The following LRFN2 variants were observed in gnomAD, a reference collection of about 807,000 sequenced individuals.
LRFN2 encodes leucine rich repeat and fibronectin type III domain containing 2.
In LRFN2, 18 loss-of-function variants were observed where a neutral mutation model predicts 37.3. The observed-to-expected ratio is 0.48, with a 90% CI of 0.33 to 0.72. The LOEUF (loss-of-function observed/expected upper bound fraction) is 0.72, where lower values mean the gene tolerates loss of function less well. Among genes scored for constraint, LRFN2 ranks in the 30% least tolerant of loss-of-function variants. The pLI, the probability that LRFN2 is intolerant of heterozygous loss-of-function variation, is 0.02. For synonymous variants in LRFN2, 556 were observed against 466.6 expected (o/e 1.19, Z -2.47); for missense variants, 1,006 against 1,060.7 (o/e 0.95, Z 0.72).
chr6:40,438,419 C>T (rs1487978736), intron 1 of LRFN2, among the ~76,000 whole-genome samples: 3 of 152,172 alleles, frequency 2.0e-5, no homozygotes, highest in Non-Finnish European at 2.9e-5. Flanking sequence ...TGAGCAACCT[C>T]GTGCAGTGAG....
intron 1 of LRFN2, among the ~76,000 whole-genome samples, chr6:40,447,496 C>A (rs997065689): frequency 1.3e-5 from 2 of 152,172 alleles, no homozygotes; most frequent in African/African-American, 4.8e-5. Flanking sequence ...AGTTTAGAAT[C>A]TTTAACAAGT....
intron 1 of LRFN2, among the ~76,000 whole-genome samples, chr6:40,562,424 GT>G (rs1188962451): frequency 6.6e-6 from 1 of 152,030 alleles, no homozygotes; most frequent in Non-Finnish European, 1.5e-5. Context: ...AGGTGAACAA[GT>G]ACGGTACAGG....
chr6:40,438,605 C>A (rs1469290715), intron 1 of LRFN2, among the ~76,000 whole-genome samples: 1 of 152,192 alleles, frequency 6.6e-6, no homozygotes, highest in African/African-American at 2.4e-5. Context: ...AAGGAGGCCC[C>A]TCTGGAGGCT....
At chr6:40,502,096 G>A (rs1259325009) in intron 1 of LRFN2, 1 of 152,146 alleles carries the variant, frequency 6.6e-6, no homozygotes, top group African/African-American at 2.4e-5. Flanking sequence ...ACTTCTGTAG[G>A]GCCTTGCTGG....
At chr6:40,567,763 A>C (rs767591658) in intron 1 of LRFN2, among the ~76,000 whole-genome samples, 4 of 152,186 alleles carry the variant, frequency 2.6e-5, no homozygotes, top group Non-Finnish European at 4.4e-5. Context: ...ATTGAATTCC[A>C]CAGCAGCCTA....
At chr6:40,548,440 C>CAAAAAAAAAACAAAAAAAAAAAA (rs67639435) in intron 1 of LRFN2, among the ~76,000 whole-genome samples, 1 of 142,650 alleles carries the variant, frequency 7.0e-6, no homozygotes, top group Admixed American at 7.1e-5. Flanking sequence ...GACTCCATCT[C>CAAAAAAAAAACAAAAAAAAAAAA]AAAAAAAAAA....
At chr6:40,416,791 G>A (rs1763102656) in intron 2 of LRFN2, among the ~76,000 whole-genome samples, 2 of 152,134 alleles carry the variant, frequency 1.3e-5, no homozygotes, top group African/African-American at 4.8e-5. Flanking sequence ...CTGTTCGCCA[G>A]TCCCAGGAAA....
chr6:40,514,551 G>GGCCA (rs1765804908), intron 1 of LRFN2, among the ~76,000 whole-genome samples: 1 of 152,136 alleles, frequency 6.6e-6, no homozygotes, highest in Non-Finnish European at 1.5e-5. Flanking sequence ...CTGACCTCAG[G>GGCCA]TGATCTGCCC....
chr6:40,474,322 G>T (rs1050650339), intron 1 of LRFN2, among the ~76,000 whole-genome samples: 1 of 152,058 alleles, frequency 6.6e-6, no homozygotes, highest in African/African-American at 2.4e-5. Flanking sequence ...GCTTCTAGTG[G>T]CTCCTTTAAA....
intron 2 of LRFN2, among the ~76,000 whole-genome samples, chr6:40,396,111 G>T (rs531811582): frequency 9.9e-5 from 15 of 152,088 alleles, no homozygotes; most frequent in African/African-American, 3.6e-4. Context: ...CTAACATGAG[G>T]GCTTACTCTG....
Position 40,432,652 on chromosome 6 carries a change from C to T in LRFN2, c.462G>A (p.Leu154=), listed in dbSNP as rs1323837370. The change falls in exon 2 of 3, where the codon CTG becomes CTA. Residue 154 remains leucine (L), a synonymous_variant. Coordinates refer to ENST00000338305, the MANE Select transcript of LRFN2 (RefSeq NM_020737.3). ...FEDFLLTLED[L]DLSYNNLHGL... is the part of the protein sequence containing the mutation. Reference sequence around the variant, plus strand: ...CATGGAGGTTGTTGTAGGAGAGGTCCAGATCCTCCAATGTCAGCAGGAAGT... The same window carrying T: ...CATGGAGGTTGTTGTAGGAGAGGTCTAGATCCTCCAATGTCAGCAGGAAGT... 4 of 1,614,164 alleles carry T rather than the reference C, an allele frequency of 2.5e-6. No homozygotes were observed. Among genetic ancestry groups the T allele is most frequent in the Non-Finnish European group, 3.4e-6 (4 of 1,180,026 alleles).
chr6:40,546,404 C>A (rs896486956), intron 1 of LRFN2, among the ~76,000 whole-genome samples: 1 of 152,094 alleles, frequency 6.6e-6, no homozygotes, highest in African/African-American at 2.4e-5. Context: ...CGATATTGAC[C>A]CCAGGTCTCC....
In LRFN2 at chr6:40,525,850, G is replaced by A. The variant is rs370548; in HGVS notation, c.-19+61091C>T. On this transcript the variant is annotated intron_variant, in intron 1 of 2. Coordinates refer to ENST00000338305, the MANE Select transcript of LRFN2 (RefSeq NM_020737.3). The stretch of plus-strand genomic sequence containing the variant: ...TTTTTCTGGCCCTGGAACTTTGCCC[G>A]CAAGACCACGTAAGACACAGTCTTC... Among the ~76,000 whole-genome samples the A allele has an allele frequency of 2.2e-3, 332 of 152,150 alleles. 2 individuals are homozygous for A. Among genetic ancestry groups the A allele is most frequent in the African/African-American group, 7.2e-3 (300 of 41,500 alleles).
At chr6:40,433,527 T>C (rs756474445) in intron 1 of LRFN2, among the ~76,000 whole-genome samples, 2 of 152,034 alleles carry the variant, frequency 1.3e-5, no homozygotes, top group Non-Finnish European at 2.9e-5. Context: ...GATGGGTGGA[T>C]GGATGGATGG....
At chr6:40,402,312 C>T (rs1762755834) in intron 2 of LRFN2, among the ~76,000 whole-genome samples, 1 of 152,160 alleles carries the variant, frequency 6.6e-6, no homozygotes, top group African/African-American at 2.4e-5. Flanking sequence ...GCTCACACAG[C>T]TGGAAAGTGG....
chr6:40,450,471 G>T (rs150681657), intron 1 of LRFN2, among the ~76,000 whole-genome samples: 1 of 152,238 alleles, frequency 6.6e-6, no homozygotes, highest in African/African-American at 2.4e-5. Context: ...GCAAGGGAGA[G>T]AGGGAGGGAG....
At chr6:40,420,024 CA>C (rs1376700954) in intron 2 of LRFN2, among the ~76,000 whole-genome samples, 2 of 152,228 alleles carry the variant, frequency 1.3e-5, no homozygotes, top group East Asian at 3.8e-4. Flanking sequence ...TCCTGCCGCT[CA>C]CCTCCTTTAC....
At chr6:40,577,679 C>T (rs1482387274) in intron 1 of LRFN2, among the ~76,000 whole-genome samples, 2 of 115,630 alleles carry the variant, frequency 1.7e-5, no homozygotes, top group South Asian at 2.9e-4. Flanking sequence ...TGAGAATATG[C>T]GGTGTTTGGT....
intron 1 of LRFN2, among the ~76,000 whole-genome samples, chr6:40,564,480 A>G (rs1767053661): frequency 6.6e-6 from 1 of 152,120 alleles, no homozygotes; most frequent in Admixed American, 6.5e-5. Flanking sequence ...CTTCACATTC[A>G]CAGCTCCCCC....
Sources: gnomAD v4.1 joint callset for allele counts (sites outside exome capture counted in the v4.1 genomes callset) on GRCh38, gnomAD v4.1.1 for gene constraint, MANE v1.5 for transcripts, NCBI Gene and HGNC (gene_info 2026-07-23, HGNC 2026-07-21) for gene names.